GOLGA4: variants seen among roughly 807,000 people sequenced by gnomAD.
GOLGA4 encodes the protein golgin subfamily A member 4.
In GOLGA4, 169 loss-of-function variants were observed where a neutral mutation model predicts 265.9. That is an observed-to-expected ratio of 0.64 (90% CI 0.56 to 0.72). The LOEUF (loss-of-function observed/expected upper bound fraction) is 0.72. GOLGA4 is among the 30% of genes least tolerant of loss of function. GOLGA4 has a pLI of 0.00. For synonymous variants in GOLGA4, 923 were observed against 855.8 expected (o/e 1.08, Z -1.37); for missense variants, 2,482 against 2,483.4 (o/e 1.00, Z 0.01).
rs763034928 is a variant in GOLGA4 at position 37,315,441 on chromosome 3, C to G, written c.1256C>G (p.Ala419Gly). The G allele has an allele frequency of 4.3e-6, 7 of 1,612,890 alleles. No individual in the cohort carries two copies. The African/African-American group carries it at 8.0e-5, about 18-fold the overall frequency. ...ATAGCTTTTGAGGAACTTGAAAAAG[C>G]TTTGAGTACAGCCCAAAAAACAGAG... Reference protein sequence around the residue: ...ERAAFEELEKALSTAQKTEEA... With the variant: ...ERAAFEELEKGLSTAQKTEEA... Residue 419 changes from alanine (A) to glycine (G), a missense_variant, in exon 11 of 24, where the codon GCT (alanine) becomes GGT (glycine). This residue lies in a region of GOLGA4 where 1,536 missense variants were observed against 1,483.7 expected (regional missense o/e 1.04). Coordinates refer to ENST00000361924, the MANE Select transcript of GOLGA4 (RefSeq NM_002078.5).
chr3:37,266,107 G>A (rs1414735316), intron 2 of GOLGA4, among the ~76,000 whole-genome samples: 3 of 151,168 alleles, frequency 2.0e-5, no homozygotes, highest in Admixed American at 6.6e-5. Context: ...AGAAGATCTC[G>A]ATAACTTACG....
At chr3:37,359,726 A>G (rs1049501496) in intron 22 of GOLGA4, among the ~76,000 whole-genome samples, 1 of 151,994 alleles carries the variant, frequency 6.6e-6, no homozygotes, top group African/African-American at 2.4e-5. Context: ...GGAATTTTCA[A>G]AATTTCCTCC....
At chr3:37,269,431 T>G (rs1240521629) in intron 2 of GOLGA4, among the ~76,000 whole-genome samples, 3 of 151,998 alleles carry the variant, frequency 2.0e-5, no homozygotes, top group Non-Finnish European at 4.4e-5. Context: ...ACTTAAAAGT[T>G]GAAGGGAGAA....
intron 2 of GOLGA4, among the ~76,000 whole-genome samples, chr3:37,277,924 A>G (rs2096823833): frequency 6.6e-6 from 1 of 152,000 alleles, no homozygotes; most frequent in Admixed American, 6.6e-5. Flanking sequence ...ATTGCATATC[A>G]TTTTGTTGTA....
In GOLGA4 at chr3:37,366,848, A is replaced by G. The variant is rs1369975076; in HGVS notation, c.*802A>G. The G allele has an allele frequency of 1.3e-5, 2 of 152,238 alleles. No homozygotes were observed. The highest frequency in any genetic ancestry group is 3.8e-4 in the East Asian group (2 of 5,202). 9.4% of individuals were successfully genotyped at this position (152,238 alleles called of 1,614,324 possible). A position where few individuals can be genotyped will look rare whatever the true frequency, so the allele number is the denominator to read the frequency against. ...GAATTTAGTGAGGAATTATTTGTCA[A>G]TATAACTAAATGCTGAGCATTTGAA... On this transcript the variant is annotated 3_prime_UTR_variant, in exon 24 of 24. Coordinates refer to ENST00000361924, the MANE Select transcript of GOLGA4 (RefSeq NM_002078.5).
intron 2 of GOLGA4, among the ~76,000 whole-genome samples, chr3:37,281,018 T>C (rs1412818636): frequency 6.6e-6 from 1 of 152,166 alleles, no homozygotes; most frequent in East Asian, 1.9e-4. Flanking sequence ...TTCCCTGGAG[T>C]ATTTCACTCC....
chr3:37,328,233 G>GACACACACAC (rs4021346), intron 14 of GOLGA4, among the ~76,000 whole-genome samples, 183 bp from the exon 15 acceptor site: 1,850 of 138,498 alleles, frequency 0.013, 54 homozygotes, highest in Admixed American at 0.077. Flanking sequence ...TATGTACCTG[G>GACACACACAC]ACACACACAC....
At chr3:37,264,632 T>C (rs1026706119) in intron 2 of GOLGA4, among the ~76,000 whole-genome samples, 29 of 152,218 alleles carry the variant, frequency 1.9e-4, no homozygotes, top group African/African-American at 7.0e-4. Flanking sequence ...TTGCAGACTT[T>C]TTTTTTCAGA....
rs748715612 is a variant in GOLGA4 at position 37,296,202 on chromosome 3, G to A, written c.797G>A (p.Ser266Asn). ...EVFTKEENPE[S>N]DGEPVVEDGT... is the part of the protein sequence containing the mutation. ...TTCACTAAAGAAGAGAATCCAGAAA[G>A]TGATGGAGAGCCAGTAGGTAAGCTT... Residue 266 changes from serine (S) to asparagine (N), a missense_variant, in exon 7 of 24, where the codon AGT becomes AAT. Physicochemically the swap from Ser to Asn is conservative, Grantham distance 46. Around this residue, in one of 3 missense-constraint regions of GOLGA4, gnomAD observed 1,536 missense variants for 1,483.7 expected, o/e 1.04. Coordinates refer to ENST00000361924, the MANE Select transcript of GOLGA4 (RefSeq NM_002078.5). The A allele has an allele frequency of 6.2e-7, 1 of 1,614,138 alleles. No individual in the cohort carries two copies.
In GOLGA4 at chr3:37,276,205, A is replaced by G. The variant is rs990896341; in HGVS notation, c.163-5753A>G. ...CTGATGAGGAAGAATTAGGATCTCA[A>G]ATTGAAGAAGCTATATATCAAGAAA... is the stretch of plus-strand genomic sequence containing the variant. On this transcript the variant is annotated intron_variant, in intron 2 of 23. Coordinates refer to ENST00000361924, the MANE Select transcript of GOLGA4 (RefSeq NM_002078.5). The G allele has an allele frequency of 6.3e-6, 10 of 1,577,014 alleles. No individual in the cohort carries two copies. In the East Asian group the frequency reaches 6.7e-5, roughly 11 times the overall value.
At chr3:37,290,193 T>A (rs2096861201) in intron 5 of GOLGA4, among the ~76,000 whole-genome samples, 1 of 152,160 alleles carries the variant, frequency 6.6e-6, no homozygotes, top group Non-Finnish European at 1.5e-5. Flanking sequence ...GAAAAACTAG[T>A]ATAATTGTGG....
intron 17 of GOLGA4, among the ~76,000 whole-genome samples, chr3:37,335,760 T>C (rs2151000802): frequency 6.6e-6 from 1 of 152,130 alleles, no homozygotes; most frequent in Non-Finnish European, 1.5e-5. Context: ...TTTTTTTTTT[T>C]TTTTCTTTTT....
intron 2 of GOLGA4, among the ~76,000 whole-genome samples, chr3:37,280,741 G>T (rs750680499): frequency 2.6e-5 from 4 of 152,068 alleles, no homozygotes; most frequent in Non-Finnish European, 4.4e-5. Context: ...GCCTTGGGGA[G>T]TGCTCTCCAT....
chr3:37,322,129 G>A (rs572995676), intron 13 of GOLGA4, among the ~76,000 whole-genome samples: 35 of 152,250 alleles, frequency 2.3e-4, no homozygotes, highest in African/African-American at 8.2e-4. Context: ...TCAGTCTGCT[G>A]CTTTTCACTG....
chr3:37,324,913 T>C lies in GOLGA4; in HGVS notation c.3027T>C (p.Ala1009=), dbSNP rs2096965487. ...FNAKMLEMAQ[A]NSAGISDAVS... ...CCAAAATGCTGGAAATGGCACAGGC[T>C]AACTCAGCTGGAATCAGTGATGCAG... The change falls in exon 14 of 24, where the codon GCT becomes GCC. Residue 1009 remains alanine, a synonymous_variant. Coordinates refer to ENST00000361924, the MANE Select transcript of GOLGA4 (RefSeq NM_002078.5). 6.2e-7 allele frequency: 1 copy of C among 1,611,642 alleles called. No individual in the cohort carries two copies. The highest frequency in any genetic ancestry group is 8.5e-7 in the Non-Finnish European group (1 of 1,179,336).
Position 37,327,518 on chromosome 3 carries a change from A to T in GOLGA4, c.5632A>T (p.Thr1878Ser). 3 of 1,613,376 alleles carry T rather than the reference A, an allele frequency of 1.9e-6. No homozygotes were observed. The highest frequency in any genetic ancestry group is 2.5e-6 in the Non-Finnish European group (3 of 1,179,376). ...EVHRVEMEEL[T>S]SKYEKLQALQ... ...ACATAGAGTTGAAATGGAAGAGTTG[A>T]CCTCAAAATATGAAAAATTACAGGC... The change falls in exon 14 of 24, where the codon ACC becomes TCC. Residue 1878 changes from threonine (T) to serine (S), a missense_variant. Physicochemically the swap from Thr to Ser is moderately conservative, Grantham distance 58. This residue lies in a region of GOLGA4 where 942 missense variants were observed against 983.1 expected (regional missense o/e 0.96). Coordinates refer to ENST00000361924, the MANE Select transcript of GOLGA4 (RefSeq NM_002078.5).
intron 2 of GOLGA4, among the ~76,000 whole-genome samples, chr3:37,270,366 G>GT (rs529912023): frequency 2.0e-5 from 3 of 149,858 alleles, no homozygotes; most frequent in Admixed American, 6.7e-5. Context: ...CCACCACGAC[G>GT]TTTTTATAGA....
chr3:37,352,528 A>G (rs956366580), intron 21 of GOLGA4, among the ~76,000 whole-genome samples: 1 of 152,044 alleles, frequency 6.6e-6, no homozygotes, highest in Admixed American at 6.6e-5. Context: ...GAGCCAAATC[A>G]TGTCGCTGCT....
At position 37,319,198 on chromosome 3, in the gene GOLGA4, A is replaced by G. The variant is rs1480333980; in HGVS notation, c.1545+4A>G. On this transcript the variant is annotated splice_donor_region_variant and intron_variant, in intron 12 of 23. Coordinates refer to ENST00000361924, the MANE Select transcript of GOLGA4 (RefSeq NM_002078.5). ...GGAACAAATGAAAGTAGCTCTTGTA[A>G]GTGACTATTTTTTTTTTTCTGCTAT... is the stretch of plus-strand genomic sequence containing the variant. 3.1e-6 allele frequency: 5 copies of G among 1,596,654 alleles called. No homozygotes were observed. The highest frequency in any genetic ancestry group is 1.8e-5 in the Admixed American group (1 of 56,264).
Sources: gnomAD v4.1 joint callset for allele counts (sites outside exome capture counted in the v4.1 genomes callset) on GRCh38, gnomAD v4.1.1 for gene constraint, gnomAD v4.1.1 regional missense constraint, MANE v1.5 for transcripts, NCBI Gene and HGNC (gene_info 2026-07-23, HGNC 2026-07-21) for gene names.